Variants in SERPINI1 observed in about 807,000 individuals in gnomAD.
SERPINI1 encodes serpin family I member 1.
A neutral mutation model predicts 41.1 loss-of-function variants in SERPINI1; 19 were observed. That is an observed-to-expected ratio of 0.46 (90% CI 0.32 to 0.68). SERPINI1 has a LOEUF of 0.68. Ranked by LOEUF, SERPINI1 falls within the 30% of genes least tolerant of loss-of-function variation. SERPINI1 has a pLI of 0.03. For synonymous variants in SERPINI1, 138 were observed against 156.6 expected, an observed-to-expected ratio of 0.88 and a Z score of 0.89; for missense variants, 460 against 479.2, an observed-to-expected ratio of 0.96 and a Z score of 0.37.
At chr3:167,764,763 A>C (rs1367494587) in intron 1 of SERPINI1, among the ~76,000 whole-genome samples, 1 of 152,234 alleles carries the variant, frequency 6.6e-6, no homozygotes, top group Non-Finnish European at 1.5e-5. Context: ...TAAAATCAAA[A>C]GCAGGTTAGT....
At chr3:167,743,680 A>G (rs1175368641) in intron 1 of SERPINI1, among the ~76,000 whole-genome samples, 1 of 152,186 alleles carries the variant, frequency 6.6e-6, no homozygotes, top group Non-Finnish European at 1.5e-5. Context: ...ATAACAAAAT[A>G]TATAAAATTA....
intron 5 of SERPINI1, among the ~76,000 whole-genome samples, chr3:167,801,143 C>T (rs541150728): frequency 8.3e-4 from 126 of 152,228 alleles, no homozygotes; most frequent in African/African-American, 2.8e-3. Flanking sequence ...AACATGAGTG[C>T]TTTTCATTAG....
In SERPINI1 at chr3:167,813,809, T is replaced by TG. The variant is rs546206032; in HGVS notation, c.979+6471dup. 2.0e-3 allele frequency among the ~76,000 whole-genome samples: 297 copies of TG among 152,092 alleles called. 1 individual carries two copies. The highest frequency in any genetic ancestry group is 6.8e-3 in the African/African-American group (281 of 41,482). The stretch of plus-strand genomic sequence containing the variant: ...GGTGGGGGACAGGGTAGATACCGAG[T>TG]GGGTGAGTGTTGTGAGTAAATTTCA... On this transcript the variant is annotated intron_variant, in intron 6 of 8. Coordinates refer to ENST00000446050, the MANE Select transcript of SERPINI1 (RefSeq NM_001122752.2).
At chr3:167,799,398 T>C (rs564918021) in intron 5 of SERPINI1, among the ~76,000 whole-genome samples, 3 of 152,350 alleles carry the variant, frequency 2.0e-5, no homozygotes, top group Admixed American at 6.5e-5. Flanking sequence ...CTGCATAATA[T>C]TCCATGGTAT....
At chr3:167,752,777 C>CT (rs1726083953) in intron 1 of SERPINI1, among the ~76,000 whole-genome samples, 1 of 152,046 alleles carries the variant, frequency 6.6e-6, no homozygotes, top group Non-Finnish European at 1.5e-5. Context: ...TATTTCAGTT[C>CT]TTTAATCACA....
chr3:167,757,755 A>G (rs1311879695), intron 1 of SERPINI1, among the ~76,000 whole-genome samples: 1 of 151,852 alleles, frequency 6.6e-6, no homozygotes, highest in African/African-American at 2.4e-5. Flanking sequence ...CCCATCTCTA[A>G]TACAAATACA....
At chr3:167,754,080 T>C (rs1456028610) in intron 1 of SERPINI1, among the ~76,000 whole-genome samples, 1 of 152,250 alleles carries the variant, frequency 6.6e-6, no homozygotes, top group Non-Finnish European at 1.5e-5. Flanking sequence ...TCCCAGTAAC[T>C]GGTTGGAAGA....
intron 5 of SERPINI1, 56 bp downstream of exon 5, chr3:167,794,880 A>T (rs1727661872): frequency 1.4e-6 from 2 of 1,435,584 alleles, no homozygotes; most frequent in Admixed American, 3.4e-5. Flanking sequence ...TATCAATGAA[A>T]ATCTGACCCA....
Position 167,807,342 on chromosome 3 carries a change from G to C in SERPINI1, c.979+1G>C. 6.3e-7 allele frequency: 1 copy of C among 1,582,064 alleles called. No homozygotes were observed. Among genetic ancestry groups the C allele is most frequent in the Non-Finnish European group, 8.7e-7 (1 of 1,151,834 alleles). On this transcript the variant is annotated splice_donor_variant, in intron 6 of 8. Transcript: ENST00000446050. LOFTEE classifies it high-confidence loss of function. ...GATGCAAATTTGACAGGCCTCTCTG[G>C]TAAGAAATAAACACAAATTTTTAAA...
chr3:167,738,479 G>A (rs1295864843), intron 1 of SERPINI1, among the ~76,000 whole-genome samples: 2 of 152,042 alleles, frequency 1.3e-5, no homozygotes, highest in East Asian at 1.9e-4. Flanking sequence ...GGTAAAGAAG[G>A]ATACAGGGGA....
intron 1 of SERPINI1, among the ~76,000 whole-genome samples, chr3:167,772,845 T>A (rs1301988234): frequency 4.2e-5 from 1 of 24,026 alleles, no homozygotes; most frequent in Admixed American, 6.2e-4. Context: ...TCTCTCTCTC[T>A]CTCTCTCTCT....
chr3:167,742,215 T>C (rs895233494), intron 1 of SERPINI1, among the ~76,000 whole-genome samples: 11 of 152,288 alleles, frequency 7.2e-5, no homozygotes, highest in Admixed American at 2.0e-4. Flanking sequence ...AGAAATCTTA[T>C]CCAGGATTAT....
At chr3:167,757,549 A>G (rs1201844141) in intron 1 of SERPINI1, among the ~76,000 whole-genome samples, 1 of 151,978 alleles carries the variant, frequency 6.6e-6, no homozygotes, top group Non-Finnish European at 1.5e-5. Context: ...ATATTACACT[A>G]TTAGATATAG....
At chr3:167,808,916 C>T (rs1242034409) in intron 6 of SERPINI1, among the ~76,000 whole-genome samples, 1 of 152,132 alleles carries the variant, frequency 6.6e-6, no homozygotes, top group African/African-American at 2.4e-5. Context: ...TAGGATTGAA[C>T]GTGTTGTTTT....
chr3:167,822,296 T>A (rs1446794596), intron 6 of SERPINI1, among the ~76,000 whole-genome samples: 3 of 152,214 alleles, frequency 2.0e-5, no homozygotes, highest in African/African-American at 7.2e-5. Flanking sequence ...CTGGGGGTTA[T>A]GACTTTAACA....
At chr3:167,769,207 T>C (rs573779968) in intron 1 of SERPINI1, among the ~76,000 whole-genome samples, 1 of 152,242 alleles carries the variant, frequency 6.6e-6, no homozygotes, top group East Asian at 1.9e-4. Flanking sequence ...TTGGCCAGGA[T>C]GGTCTCAATC....
rs753992274 is a variant in SERPINI1 at position 167,790,512 on chromosome 3, T to C, written c.391T>C (p.Tyr131His). 1.2e-6 allele frequency: 2 copies of C among 1,613,972 alleles called. No individual in the cohort carries two copies. Among genetic ancestry groups the C allele is most frequent in the South Asian group, 1.1e-5 (1 of 91,076 alleles). The change falls in exon 3 of 9, where the codon TAT becomes CAT. Residue 131 changes from tyrosine (Y) to histidine (H), a missense_variant. By Grantham distance (83) the Tyr-to-His change is moderately conservative. Transcript: ENST00000446050. ...NEEFLQMMKKYFNAAVNHVDF... is the reference protein window; with the variant it reads ...NEEFLQMMKKHFNAAVNHVDF... ...GGAGTTTTTGCAAATGATGAAAAAA[T>C]ATTTTAATGCAGCAGTAAATCATGT...
chr3:167,810,983 T>G (rs1024714236), intron 6 of SERPINI1, among the ~76,000 whole-genome samples: 1 of 152,110 alleles, frequency 6.6e-6, no homozygotes, highest in Non-Finnish European at 1.5e-5. Context: ...CATTTAAATT[T>G]GATCATGAGA....
intron 2 of SERPINI1, 139 bp downstream of exon 2, chr3:167,789,517 A>G: frequency 1.1e-6 from 1 of 950,682 alleles, no homozygotes; most frequent in Non-Finnish European, 1.6e-6. Context: ...TAGAAGGATT[A>G]GGAAACCCAA....
Sources: allele counts gnomAD v4.1 joint callset (sites outside exome capture counted in the v4.1 genomes callset), GRCh38; gene constraint gnomAD v4.1.1; transcripts MANE v1.5; gene names NCBI Gene and HGNC (gene_info 2026-07-23, HGNC 2026-07-21).